The following DIDO1 variants were observed in gnomAD, a reference collection of about 807,000 sequenced individuals.
The protein encoded by DIDO1 is death-inducer obliterator 1.
Under a neutral mutation model 99.4 loss-of-function variants are expected in DIDO1, and 16 were observed. The observed-to-expected ratio is 0.16, with a 90% CI of 0.11 to 0.24. The LOEUF (loss-of-function observed/expected upper bound fraction) is 0.24, where lower values mean the gene tolerates loss of function less well. DIDO1 is among the 10% of genes least tolerant of loss of function. The probability of loss-of-function intolerance (pLI) is 1.00; values close to 1 mark genes in which losing one functional copy is unlikely to be tolerated. For missense variants in DIDO1, 2,996 were observed against 3,014.0 expected (o/e 0.99, Z 0.14); for synonymous variants, 1,366 against 1,239.1 (o/e 1.10, Z -2.15).
chr20:62,908,409 C>A (rs2064854028), intron 4 of DIDO1, among the ~76,000 whole-genome samples: 1 of 152,176 alleles, frequency 6.6e-6, no homozygotes, highest in African/African-American at 2.4e-5. Context: ...CAGGTCCAGG[C>A]TTCCCATGGA....
Position 62,911,226 on chromosome 20 carries a change from G to A in DIDO1, c.387C>T (p.Ser129=). ...SETRSGPQSA[S]TAVKERPASS... is the part of the protein sequence containing the mutation. Reference sequence around the variant, plus strand: ...AGGCTGGTCGTTCCTTCACAGCTGTGGAAGCAGACTGGGGGCCGCTTCTGG... The same window carrying A: ...AGGCTGGTCGTTCCTTCACAGCTGTAGAAGCAGACTGGGGGCCGCTTCTGG... The change falls in exon 3 of 16, where the codon TCC becomes TCT. Residue 129 remains serine (S), a synonymous_variant. Coordinates refer to ENST00000395343, the MANE Select transcript of DIDO1 (RefSeq NM_001193369.2). This position sits in a 1 kb window ranked among gnomAD's most constrained non-coding sequence, Gnocchi z 7.0. 6.2e-7 allele frequency: 1 copy of A among 1,613,616 alleles called. No individual in the cohort carries two copies. Among genetic ancestry groups the A allele is most frequent in the Non-Finnish European group, 8.5e-7 (1 of 1,180,026 alleles).
intron 15 of DIDO1, chr20:62,888,541 A>C: frequency 2.0e-6 from 2 of 985,504 alleles, no homozygotes; most frequent in Non-Finnish European, 2.4e-6. Context: ...AGCTCTGTGG[A>C]GTCACCACCA....
intron 1 of DIDO1, among the ~76,000 whole-genome samples, chr20:62,922,335 T>C (rs908470124): frequency 3.3e-5 from 5 of 151,872 alleles, no homozygotes; most frequent in African/African-American, 1.2e-4. Flanking sequence ...CCTACTCCCC[T>C]CAGTGCAGGT....
intron 6 of DIDO1, among the ~76,000 whole-genome samples, chr20:62,903,005 C>G (rs1485435969): frequency 6.6e-6 from 1 of 151,984 alleles, no homozygotes; most frequent in Admixed American, 6.6e-5. Context: ...TTCCAACTGA[C>G]TTCATGCCTC....
At position 62,881,634 on chromosome 20, in the gene DIDO1, A is replaced by G; in HGVS notation, c.4322T>C (p.Val1441Ala). 6.2e-7 allele frequency: 1 copy of G among 1,612,684 alleles called. No individual in the cohort carries two copies. Among genetic ancestry groups the G allele is most frequent in the Non-Finnish European group, 8.5e-7 (1 of 1,180,012 alleles). ...ETILEEAKVT[V>A]DDLPNRMCAD... is the part of the protein sequence containing the mutation. Reference sequence around the variant, plus strand: ...ACACATCCTGTTGGGCAGGTCATCAACAGTCACTTTCGCTTCTTCTAAGAT... The same window carrying G: ...ACACATCCTGTTGGGCAGGTCATCAGCAGTCACTTTCGCTTCTTCTAAGAT... The change falls in exon 16 of 16, where the codon GTT becomes GCT. Residue 1441 changes from valine to alanine, a missense_variant. Around this residue, in one of 5 missense-constraint regions of DIDO1, gnomAD observed 1,562 missense variants for 1,412.6 expected, o/e 1.11. Coordinates refer to ENST00000395343, the MANE Select transcript of DIDO1 (RefSeq NM_001193369.2). This position sits in a 1 kb window ranked among gnomAD's most constrained non-coding sequence, Gnocchi z 8.3.
intron 6 of DIDO1, among the ~76,000 whole-genome samples, chr20:62,897,340 G>A (rs925586839): frequency 1.3e-5 from 2 of 152,186 alleles, no homozygotes; most frequent in African/African-American, 2.4e-5. Context: ...CTTTTTAAAA[G>A]GCAGATTTAC....
chr20:62,921,367 G>A (rs145652196), intron 1 of DIDO1, among the ~76,000 whole-genome samples: 7 of 152,318 alleles, frequency 4.6e-5, no homozygotes, highest in East Asian at 3.9e-4. Context: ...ACACAGCAGC[G>A]CCTTCCACTG....
At chr20:62,898,237 T>C (rs1396241276) in intron 6 of DIDO1, among the ~76,000 whole-genome samples, 1 of 152,204 alleles carries the variant, frequency 6.6e-6, no homozygotes, top group East Asian at 1.9e-4. Flanking sequence ...TAAGGCCTGA[T>C]TCAACAGCCT....
In DIDO1 at chr20:62,882,533, G is replaced by A. The variant is rs2064226768; in HGVS notation, c.3542-119C>T. The A allele has an allele frequency of 8.9e-6, 9 of 1,007,276 alleles. No homozygotes were observed. The South Asian group carries it at 1.5e-4, about 17-fold the overall frequency. The allele number at this position is 1,007,276 out of a possible 1,614,324, so 62.4% of individuals were successfully genotyped here. A position where few individuals can be genotyped will look rare whatever the true frequency, so the allele number is the denominator to read the frequency against. The stretch of plus-strand genomic sequence containing the variant: ...TTAATAGACAAAAATAAGCCATTCT[G>A]TGGCAAAATAAGATCAAGTGTCAAG... On this transcript the variant is annotated intron_variant, in intron 15 of 15. Coordinates refer to ENST00000395343, the MANE Select transcript of DIDO1 (RefSeq NM_001193369.2).
chr20:62,930,221 A>C (rs947636134), upstream of DIDO1, among the ~76,000 whole-genome samples: 35 of 146,192 alleles, frequency 2.4e-4, no homozygotes, highest in Middle Eastern at 3.4e-3. Flanking sequence ...AAACAAACAA[A>C]AAAAAAAAAA....
chr20:62,909,813 A>G lies in DIDO1; in HGVS notation c.1047T>C (p.Asp349=), dbSNP rs760823584. The part of the protein sequence containing the change: ...KWRPGDADGT[D]CTSIGTIEQK... ...GCTCTATTGTTCCTATACTTGTACAATCGGTGCCATCAGCATCTCCAGGTC... is the reference window on the plus strand; with the variant it reads ...GCTCTATTGTTCCTATACTTGTACAGTCGGTGCCATCAGCATCTCCAGGTC... The change falls in exon 4 of 16, where the codon GAT becomes GAC. Residue 349 remains aspartate (D), a synonymous_variant. Coordinates refer to ENST00000395343, the MANE Select transcript of DIDO1 (RefSeq NM_001193369.2). 6.2e-7 allele frequency: 1 copy of G among 1,614,166 alleles called. No individual in the cohort carries two copies. The highest frequency in any genetic ancestry group is 8.5e-7 in the Non-Finnish European group (1 of 1,180,022).
Position 62,880,197 on chromosome 20 carries a change from G to A in DIDO1, c.5759C>T (p.Pro1920Leu), listed in dbSNP as rs1314994081. 6.2e-7 allele frequency: 1 copy of A among 1,612,406 alleles called. No individual in the cohort carries two copies. Among genetic ancestry groups the A allele is most frequent in the South Asian group, 1.1e-5 (1 of 91,088 alleles). Residue 1920 changes from proline to leucine, a missense_variant, in exon 16 of 16, where the codon CCT becomes CTT. This residue lies in a region of DIDO1 where 1,562 missense variants were observed against 1,412.6 expected (regional missense o/e 1.11). Transcript: ENST00000395343. ...SQFGGQRGPP[P>L]GHFVGPRGPH... ...CCCTCTTGGGCCCACGAAATGACCA[G>A]GGGGTGGTCCTCTCTGACCTCCAAA...
At chr20:62,925,735 G>A (rs118173253) in intron 1 of DIDO1, among the ~76,000 whole-genome samples, 1 of 152,216 alleles carries the variant, frequency 6.6e-6, no homozygotes, top group Non-Finnish European at 1.5e-5. Context: ...CCCGCCGAGC[G>A]CAAGAGCGGG....
At position 62,911,074 on chromosome 20, in the gene DIDO1, G is replaced by C. The variant is rs750759316; in HGVS notation, c.539C>G (p.Pro180Arg). The C allele has an allele frequency of 5.0e-6, 8 of 1,613,648 alleles. No homozygotes were observed. In the Admixed American group the frequency reaches 1.3e-4, roughly 27 times the overall value. The change falls in exon 3 of 16, where the codon CCC becomes CGC. Residue 180 changes from proline to arginine, a missense_variant. Pro to Arg is a moderately radical substitution (Grantham distance 103). This residue lies in a region of DIDO1 where 388 missense variants were observed against 376.6 expected (regional missense o/e 1.03). Transcript: ENST00000395343. The surrounding 1 kb of genome is among the most constrained non-coding windows in gnomAD (Gnocchi z 7.0). ...RKREQEPTERPLKGIQSRLRK... is the reference protein window; with the variant it reads ...RKREQEPTERRLKGIQSRLRK... Reference sequence around the variant, plus strand: ...CAGGCGACTCTGGATCCCTTTCAGGGGCCTCTCAGTGGGCTCCTGTTCCCG... The same window carrying C: ...CAGGCGACTCTGGATCCCTTTCAGGCGCCTCTCAGTGGGCTCCTGTTCCCG...
At chr20:62,910,481 T>A (rs181929228) in intron 3 of DIDO1, among the ~76,000 whole-genome samples, 281 of 152,082 alleles carry the variant, frequency 1.8e-3, no homozygotes, top group African/African-American at 6.5e-3. Context: ...CACATTCTCC[T>A]CCATGCCGTC....
chr20:62,921,481 C>T (rs2065134999), intron 1 of DIDO1, among the ~76,000 whole-genome samples: 1 of 152,136 alleles, frequency 6.6e-6, no homozygotes, highest in Non-Finnish European at 1.5e-5. Context: ...GACACCCTGT[C>T]TACTCTCATT....
At chr20:62,899,134 C>T (rs893950545) in intron 6 of DIDO1, among the ~76,000 whole-genome samples, 4 of 152,202 alleles carry the variant, frequency 2.6e-5, no homozygotes, top group Admixed American at 6.5e-5. Flanking sequence ...AACCAAGCCC[C>T]GGTCTCCAGA....
rs1333758472 is a variant in DIDO1 at position 62,894,150 on chromosome 20, TTTG to T, written c.2614_2616del (p.Gln872del). 1 of 1,614,108 alleles carries T rather than the reference TTTG, an allele frequency of 6.2e-7. No individual in the cohort carries two copies. The highest frequency in any genetic ancestry group is 1.3e-5 in the African/African-American group (1 of 75,044). On this transcript the variant is annotated inframe_deletion, in exon 12 of 16. Transcript: ENST00000395343. The surrounding 1 kb of genome is among the most constrained non-coding windows in gnomAD (Gnocchi z 4.4). Reference sequence around the variant, plus strand: ...TCTTTCTTAACAGAAGCTGACAATTTTTGTTTTTTCGGAGCTGGCTCATCTTCT... The same window carrying T: ...TCTTTCTTAACAGAAGCTGACAATTTTTTTTTCGGAGCTGGCTCATCTTCT...
intron 8 of DIDO1, among the ~76,000 whole-genome samples, chr20:62,895,985 G>C (rs956186144): frequency 3.9e-5 from 6 of 152,216 alleles, no homozygotes; most frequent in African/African-American, 1.4e-4. Context: ...GACTAATGTG[G>C]TGATAAAAGG....
Sources: gnomAD v4.1 joint callset for allele counts (sites outside exome capture counted in the v4.1 genomes callset) on GRCh38, gnomAD v4.1.1 for gene constraint, gnomAD v4.1.1 regional missense constraint, Gnocchi (gnomAD v3.1) non-coding constraint, MANE v1.5 for transcripts, NCBI Gene and HGNC (gene_info 2026-07-23, HGNC 2026-07-21) for gene names.